The following PRRC2C variants were observed in gnomAD, a reference collection of about 807,000 sequenced individuals.
PRRC2C encodes protein PRRC2C.
In PRRC2C, 72 loss-of-function variants were observed where a neutral mutation model predicts 317.2. The observed-to-expected ratio is 0.23, with a 90% CI of 0.19 to 0.28. The LOEUF is 0.28. Among genes scored for constraint, PRRC2C ranks in the 10% least tolerant of loss-of-function variants. PRRC2C has a pLI of 1.00. For missense variants in PRRC2C, 3,074 were observed against 3,459.7 expected, an observed-to-expected ratio of 0.89 and a Z score of 2.80; for synonymous variants, 1,296 against 1,205.9, an observed-to-expected ratio of 1.07 and a Z score of -1.55.
chr1:171,536,139 TCTTTATCAGCCTATGCAG>T lies in PRRC2C; in HGVS notation c.2156_2173del (p.Leu719_Gln724del). ...CTGTCCCTCCTCCACCACACAGACC[TCTTTATCAGCCTATGCAG>T]CCTCATCCTCAGCATTTGGCTTCTA... is the stretch of plus-strand genomic sequence containing the variant. On this transcript the variant is annotated inframe_deletion, in exon 14 of 35. Coordinates refer to ENST00000647382, the MANE Select transcript of PRRC2C (RefSeq NM_001387844.1). 1 of 1,594,954 alleles carries T rather than the reference TCTTTATCAGCCTATGCAG, an allele frequency of 6.3e-7. No homozygotes were observed. The highest frequency in any genetic ancestry group is 8.5e-7 in the Non-Finnish European group (1 of 1,169,774).
intron 21 of PRRC2C, 65 bp downstream of exon 21, chr1:171,566,486 C>G: frequency 6.7e-7 from 1 of 1,486,318 alleles, no homozygotes; most frequent in East Asian, 2.5e-5. Context: ...GCAAATAATA[C>G]TTTTAAAAGT....
At chr1:171,511,289 CCTAT>C (rs1356509534) in intron 1 of PRRC2C, 2 of 151,974 alleles carry the variant, frequency 1.3e-5, no homozygotes, top group East Asian at 1.9e-4. Flanking sequence ...TTCTTTTTTG[CCTAT>C]CTATTAATAG....
intron 19 of PRRC2C, among the ~76,000 whole-genome samples, chr1:171,560,262 T>A (rs1349866002): frequency 1.3e-5 from 2 of 152,200 alleles, no homozygotes; most frequent in Non-Finnish European, 2.9e-5. Flanking sequence ...ATTCAAGACA[T>A]CAGTGGAGGA....
intron 28 of PRRC2C, among the ~76,000 whole-genome samples, chr1:171,581,755 A>G (rs1250496097): frequency 6.6e-6 from 1 of 152,202 alleles, no homozygotes; most frequent in East Asian, 1.9e-4. Context: ...TAGGTATTGT[A>G]AAGACTGCTA....
At chr1:171,504,424 A>G (rs1051659418) in intron 1 of PRRC2C, among the ~76,000 whole-genome samples, 2 of 152,114 alleles carry the variant, frequency 1.3e-5, no homozygotes, top group South Asian at 2.1e-4. Flanking sequence ...CATTTTGTCT[A>G]TGGTTCATTT....
intron 16 of PRRC2C, among the ~76,000 whole-genome samples, chr1:171,543,275 A>T (rs1376877704): frequency 2.0e-5 from 3 of 149,698 alleles, no homozygotes; most frequent in African/African-American, 7.4e-5. Context: ...ATGAGCCGAG[A>T]TTGTGCCACT....
chr1:171,493,454 C>T (rs980501449), intron 1 of PRRC2C, among the ~76,000 whole-genome samples: 1 of 152,184 alleles, frequency 6.6e-6, no homozygotes, highest in African/African-American at 2.4e-5. Context: ...GATGGCACTG[C>T]TGCACTCCAG....
At chr1:171,553,526 C>T (rs1351915572) in intron 18 of PRRC2C, among the ~76,000 whole-genome samples, 1 of 151,846 alleles carries the variant, frequency 6.6e-6, no homozygotes, top group African/African-American at 2.4e-5. Context: ...AATGTGTTTG[C>T]TCTTGCTTCT....
At chr1:171,500,731 C>T (rs1184151851) in intron 1 of PRRC2C, among the ~76,000 whole-genome samples, 1 of 152,158 alleles carries the variant, frequency 6.6e-6, no homozygotes, top group Non-Finnish European at 1.5e-5. Context: ...TGCTGCCTTC[C>T]AAATTTCTTT....
rs146702196 is a variant in PRRC2C at position 171,549,789 on chromosome 1, C to T, written c.4973-297C>T. On this transcript the variant is annotated intron_variant, in intron 17 of 34. Coordinates refer to ENST00000647382, the MANE Select transcript of PRRC2C (RefSeq NM_001387844.1). ...GTTGGCCAGGCTGGTCTCAAACTTC[C>T]GGCCTCAAGCAGTATGCCCATCTCG... is the stretch of plus-strand genomic sequence containing the variant. Among the ~76,000 whole-genome samples, 313 of 152,192 alleles carry T rather than the reference C, an allele frequency of 2.1e-3. 3 individuals are homozygous for T. The highest frequency in any genetic ancestry group is 0.015 in the East Asian group (78 of 5,158).
chr1:171,572,135 G>C (rs1176083737), intron 24 of PRRC2C, among the ~76,000 whole-genome samples: 1 of 151,878 alleles, frequency 6.6e-6, no homozygotes, highest in Non-Finnish European at 1.5e-5. Context: ...GGAATTAAAG[G>C]AGGTTTTTTT....
intron 20 of PRRC2C, among the ~76,000 whole-genome samples, chr1:171,562,857 A>G (rs1239412005): frequency 6.6e-6 from 1 of 152,184 alleles, no homozygotes; most frequent in Non-Finnish European, 1.5e-5. Flanking sequence ...AAGGTTACCA[A>G]GGGAGAATGA....
At chr1:171,503,796 A>C (rs1445838849) in intron 1 of PRRC2C, among the ~76,000 whole-genome samples, 2 of 152,218 alleles carry the variant, frequency 1.3e-5, no homozygotes, top group Non-Finnish European at 2.9e-5. Flanking sequence ...ACAGTTCCAC[A>C]TGGCTGGGGA....
intron 23 of PRRC2C, among the ~76,000 whole-genome samples, chr1:171,568,590 G>A (rs541617963): frequency 2.7e-4 from 41 of 152,246 alleles, no homozygotes; most frequent in African/African-American, 9.1e-4. Context: ...GCTTGGTTTC[G>A]TGTAAATACT....
intron 18 of PRRC2C, among the ~76,000 whole-genome samples, chr1:171,554,129 T>G (rs1365356893): frequency 2.0e-5 from 3 of 152,176 alleles, no homozygotes; most frequent in Non-Finnish European, 4.4e-5. Context: ...TCTAAGGAGT[T>G]GCTTAAATGA....
Position 171,501,890 on chromosome 1 carries a change from A to C in PRRC2C, c.-57-10142A>C, listed in dbSNP as rs1477219089. ...GGTTATGCTGAGTGCATCTGTGCCT[A>C]CTCAGCAATTGAGATTTTTTTACTA... On this transcript the variant is annotated intron_variant, in intron 1 of 34. Transcript: ENST00000647382. Among the ~76,000 whole-genome samples the C allele has an allele frequency of 2.0e-5, 3 of 152,298 alleles. No homozygotes were observed. In the East Asian group the frequency reaches 5.8e-4, roughly 29 times the overall value.
intron 1 of PRRC2C, among the ~76,000 whole-genome samples, chr1:171,493,190 A>T (rs1667502690): frequency 6.6e-6 from 1 of 152,188 alleles, no homozygotes; most frequent in Non-Finnish European, 1.5e-5. Context: ...CTCTACACTT[A>T]ATAAATTTAA....
chr1:171,586,968 C>T, intron 30 of PRRC2C, 35 bp from the exon 31 acceptor site: 1 of 1,467,798 alleles, frequency 6.8e-7, no homozygotes, highest in Non-Finnish European at 9.4e-7. Flanking sequence ...TAAACAGAAA[C>T]AAATTGCTTC....
rs1289061978 is a variant in PRRC2C at position 171,535,694 on chromosome 1, A to G, written c.2043+97A>G. On this transcript the variant is annotated intron_variant, in intron 13 of 34. Transcript: ENST00000647382. ...ACATAAAACTGATAATACGTAAAGC[A>G]CACAAAGTTCCCTTGAAATTATTTT... is the stretch of plus-strand genomic sequence containing the variant. 26 of 1,341,990 alleles carry G rather than the reference A, an allele frequency of 1.9e-5. No homozygotes were observed. The East Asian group carries it at 5.3e-4, about 27-fold the overall frequency. The allele number at this position is 1,341,990 out of a possible 1,614,324, so 83.1% of individuals were successfully genotyped here. A position where few individuals can be genotyped will look rare whatever the true frequency, so the allele number is the denominator to read the frequency against.
Sources: allele counts gnomAD v4.1 joint callset (sites outside exome capture counted in the v4.1 genomes callset), GRCh38; gene constraint gnomAD v4.1.1; transcripts MANE v1.5; gene names NCBI Gene and HGNC (gene_info 2026-07-23, HGNC 2026-07-21).